Variants in ABTB2 observed in about 807,000 individuals in gnomAD.
ABTB2 encodes the protein ankyrin repeat and BTB domain containing 2.
ABTB2 carries 56 observed loss-of-function variants against 104.1 expected under a neutral mutation model. That is an observed-to-expected ratio of 0.54 (90% CI 0.43 to 0.67). The LOEUF (loss-of-function observed/expected upper bound fraction) is 0.67, where lower values mean the gene tolerates loss of function less well. ABTB2 is among the 30% of genes least tolerant of loss of function. The pLI is 0.00. For synonymous variants in ABTB2, 606 were observed against 608.2 expected, an observed-to-expected ratio of 1.00 and a Z score of 0.05; for missense variants, 1,279 against 1,407.7, an observed-to-expected ratio of 0.91 and a Z score of 1.46.
rs1178379139 is a variant in ABTB2 at position 34,162,593 on chromosome 11, A to G, written c.2201T>C (p.Met734Thr). Residue 734 changes from methionine to threonine, a missense_variant, in exon 10 of 17, where the codon ATG (methionine) becomes ACG (threonine). Physicochemically the swap from Met to Thr is moderately conservative, Grantham distance 81. Transcript: ENST00000435224. ...GGCCTCACCCAGTGCCCTCAGCTCC[A>G]TGGTGATGTCCACGTAGCCGTGCTC... is the stretch of plus-strand genomic sequence containing the variant. ...SAEHGYVDIT[M>T]ELRALGVPWK... 1.9e-6 allele frequency: 3 copies of G among 1,613,502 alleles called. No individual in the cohort carries two copies. Among genetic ancestry groups the G allele is most frequent in the Non-Finnish European group, 2.5e-6 (3 of 1,179,930 alleles).
intron 11 of ABTB2, 47 bp downstream of exon 11, chr11:34,160,856 C>G (rs1177401988): frequency 3.2e-6 from 5 of 1,553,044 alleles, no homozygotes; most frequent in Non-Finnish European, 4.4e-6. Flanking sequence ...GTCCCGTGGT[C>G]TGAGTCTGGG....
intron 1 of ABTB2, among the ~76,000 whole-genome samples, chr11:34,292,586 C>A (rs775648489): frequency 2.0e-5 from 3 of 152,118 alleles, no homozygotes; most frequent in Admixed American, 2.0e-4. Flanking sequence ...TGAAACAGAC[C>A]AAAGTCCTGC....
intron 16 of ABTB2, among the ~76,000 whole-genome samples, chr11:34,153,812 G>C (rs1852582517): frequency 6.6e-6 from 1 of 152,216 alleles, no homozygotes. Flanking sequence ...TTTCAGAGGT[G>C]GGTGGCTTGC....
intron 1 of ABTB2, among the ~76,000 whole-genome samples, chr11:34,310,799 T>C (rs1320028355): frequency 6.6e-6 from 1 of 152,156 alleles, no homozygotes; most frequent in Non-Finnish European, 1.5e-5. Context: ...TGCGTCTCCT[T>C]CATTAATCCA....
At chr11:34,335,792 A>G in intron 1 of ABTB2, 1 of 1,366,310 alleles carries the variant, frequency 7.3e-7, no homozygotes, top group Non-Finnish European at 1.0e-6. Context: ...GGAAGCTTGA[A>G]CCTCTGATCT....
chr11:34,269,020 C>T (rs1854282364), intron 1 of ABTB2, among the ~76,000 whole-genome samples: 1 of 152,222 alleles, frequency 6.6e-6, no homozygotes, highest in African/African-American at 2.4e-5. Context: ...TGATTCAGCG[C>T]TGATGCCCCC....
intron 1 of ABTB2, among the ~76,000 whole-genome samples, chr11:34,250,365 A>G (rs1312340562): frequency 2.0e-5 from 3 of 152,232 alleles, no homozygotes; most frequent in Non-Finnish European, 4.4e-5. Flanking sequence ...CCCAGCACCC[A>G]TGAAGATGTC....
At position 34,262,866 on chromosome 11, in the gene ABTB2, G is replaced by A. The variant is rs552096532; in HGVS notation, c.884-58176C>T. Among the ~76,000 whole-genome samples the A allele has an allele frequency of 8.5e-5, 13 of 152,246 alleles. 1 individual carries two copies. In the East Asian group the frequency reaches 2.3e-3, roughly 27 times the overall value. ...GCCCAGGAGGTCAGTACCCAGCACT[G>A]CGCTCTACTTTGAGCTGCCTAAACA... On this transcript the variant is annotated intron_variant, in intron 1 of 16. Coordinates refer to ENST00000435224, the MANE Select transcript of ABTB2 (RefSeq NM_145804.3).
At chr11:34,257,440 G>A (rs1854137511) in intron 1 of ABTB2, among the ~76,000 whole-genome samples, 1 of 152,214 alleles carries the variant, frequency 6.6e-6, no homozygotes, top group Non-Finnish European at 1.5e-5. Context: ...CAAGGAAAGA[G>A]AAGGCTTGCC....
intron 1 of ABTB2, among the ~76,000 whole-genome samples, chr11:34,317,526 A>C (rs1854948596): frequency 6.6e-6 from 1 of 152,148 alleles, no homozygotes; most frequent in African/African-American, 2.4e-5. Context: ...TAATCCCAGC[A>C]GTCTGGGAGG....
At position 34,159,276 on chromosome 11, in the gene ABTB2, C is replaced by T. The variant is rs371928020; in HGVS notation, c.2697+20G>A. 159 of 1,596,252 alleles carry T rather than the reference C, an allele frequency of 1.0e-4. No individual in the cohort carries two copies. The African/African-American group carries it at 1.8e-3, about 18-fold the overall frequency. ...GAGGGTCATCCCTCTGAGAAGAGGG[C>T]GGCACCAAGACCCACACACCTGAAA... On this transcript the variant is annotated intron_variant, in intron 14 of 16. Coordinates refer to ENST00000435224, the MANE Select transcript of ABTB2 (RefSeq NM_145804.3).
At chr11:34,272,732 C>CAAAAAAAA (rs1491413447) in intron 1 of ABTB2, among the ~76,000 whole-genome samples, 3 of 92,926 alleles carry the variant, frequency 3.2e-5, no homozygotes, top group African/African-American at 1.0e-4. Context: ...AAAAAAAAAA[C>CAAAAAAAA]CAACCAACCA....
chr11:34,319,261 T>C lies in ABTB2; in HGVS notation c.883+37440A>G, dbSNP rs181545144. Among the ~76,000 whole-genome samples the C allele has an allele frequency of 2.4e-4, 37 of 152,340 alleles. No homozygotes were observed. In the East Asian group the frequency reaches 3.3e-3, roughly 14 times the overall value. ...CCCCACCGACTTCAGATGGTCATTA[T>C]ACAGCCAGGTGAAGAAGGTCACAGA... On this transcript the variant is annotated intron_variant, in intron 1 of 16. Coordinates refer to ENST00000435224, the MANE Select transcript of ABTB2 (RefSeq NM_145804.3).
chr11:34,339,093 T>C (rs545523585), intron 1 of ABTB2, among the ~76,000 whole-genome samples: 1 of 152,318 alleles, frequency 6.6e-6, no homozygotes, highest in South Asian at 2.1e-4. Context: ...TTTTGTTTAG[T>C]CACATCATCC....
At chr11:34,171,131 G>T in intron 4 of ABTB2, 60 bp from the exon 5 acceptor site, 1 of 1,561,424 alleles carries the variant, frequency 6.4e-7, no homozygotes, top group Non-Finnish European at 8.7e-7. Context: ...TTTCAATGAT[G>T]TGACACACAT....
intron 1 of ABTB2, among the ~76,000 whole-genome samples, chr11:34,244,763 T>A (rs1051934310): frequency 2.0e-5 from 3 of 152,186 alleles, no homozygotes; most frequent in Non-Finnish European, 4.4e-5. Flanking sequence ...ATCCCAGCAC[T>A]TTGGGAGACC....
intron 3 of ABTB2, among the ~76,000 whole-genome samples, chr11:34,192,190 G>T (rs183652292): frequency 2.0e-4 from 31 of 152,152 alleles, no homozygotes; most frequent in African/African-American, 3.4e-4. Context: ...CTACTGGGGG[G>T]GCTGAGGTGG....
chr11:34,219,731 A>G (rs1054316420), intron 1 of ABTB2, among the ~76,000 whole-genome samples: 1 of 152,204 alleles, frequency 6.6e-6, no homozygotes, highest in Non-Finnish European at 1.5e-5. Flanking sequence ...GCACTTGGAT[A>G]TACCATATAG....
intron 1 of ABTB2, among the ~76,000 whole-genome samples, chr11:34,324,992 T>G (rs562161899): frequency 6.6e-5 from 10 of 152,144 alleles, no homozygotes; most frequent in Non-Finnish European, 1.3e-4. Context: ...TGTTCTTTTT[T>G]GTTGTTGAGG....
Sources: gnomAD v4.1 joint callset for allele counts (sites outside exome capture counted in the v4.1 genomes callset) on GRCh38, gnomAD v4.1.1 for gene constraint, MANE v1.5 for transcripts, NCBI Gene and HGNC (gene_info 2026-07-23, HGNC 2026-07-21) for gene names.